The following TOP1 variants were observed in gnomAD, a reference collection of about 807,000 sequenced individuals.
TOP1 encodes DNA topoisomerase I.
A neutral mutation model predicts 111.1 loss-of-function variants in TOP1; 10 were observed. The ratio of observed to expected loss-of-function variants is 0.09; its 90% CI spans 0.06 to 0.15. TOP1 has a LOEUF of 0.15. TOP1 is among the 10% of genes least tolerant of loss of function. The pLI is 1.00. For missense variants in TOP1, 474 were observed against 926.7 expected (o/e 0.51, Z 6.34); for synonymous variants, 271 against 302.9 (o/e 0.89, Z 1.10).
rs1251751579 is a variant in TOP1, at chr20:41,097,222, A to G, written c.733A>G (p.Lys245Glu). ...TTTGGAACCACTTTTTTCTCTAGGTAAAGTCATGAAGCTGAGCCCCAAAGC... is the reference window on the plus strand; with the variant it reads ...TTTGGAACCACTTTTTTCTCTAGGTGAAGTCATGAAGCTGAGCCCCAAAGC... ...PENVKFYYDG[K>E]VMKLSPKAEE... Residue 245 changes from lysine to glutamate, a missense_variant and splice_region_variant, in exon 10 of 21, where the codon AAA becomes GAA. Physicochemically the swap from Lys to Glu is moderately conservative, Grantham distance 56. Coordinates refer to ENST00000361337, the MANE Select transcript of TOP1 (RefSeq NM_003286.4). The surrounding 1 kb of genome is among the most constrained non-coding windows in gnomAD (Gnocchi z 4.2). The G allele has an allele frequency of 1.9e-6, 3 of 1,613,452 alleles. No homozygotes were observed. The highest frequency in any genetic ancestry group is 1.1e-5 in the South Asian group (1 of 90,940).
chr20:41,111,998 A>G (rs2034250708), intron 13 of TOP1, among the ~76,000 whole-genome samples: 1 of 152,116 alleles, frequency 6.6e-6, no homozygotes, highest in African/African-American at 2.4e-5. Flanking sequence ...GTAACCCTTC[A>G]TTGGGTTTAG....
At position 41,078,834 on chromosome 20, in the gene TOP1, A is replaced by G. The variant is rs181275831; in HGVS notation, c.335+1197A>G. ...TGCTGGACTCCTTGCTGGCTTGTGTATATGTCTTTGTAGAGAATCCAGATG... is the reference window on the plus strand; with the variant it reads ...TGCTGGACTCCTTGCTGGCTTGTGTGTATGTCTTTGTAGAGAATCCAGATG... On this transcript the variant is annotated intron_variant, in intron 5 of 20. Transcript: ENST00000361337. The surrounding 1 kb of genome is among the most constrained non-coding windows in gnomAD (Gnocchi z 5.3). Among the ~76,000 whole-genome samples the G allele has an allele frequency of 6.6e-6, 1 of 152,256 alleles. No homozygotes were observed. Among genetic ancestry groups the G allele is most frequent in the East Asian group, 1.9e-4 (1 of 5,178 alleles).
Position 41,029,568 on chromosome 20 carries a change from G to A in TOP1, c.58+113G>A. The A allele has an allele frequency of 1.2e-6, 1 of 847,358 alleles. No homozygotes were observed. The highest frequency in any genetic ancestry group is 1.9e-6 in the Non-Finnish European group (1 of 522,906). 52.5% of individuals were successfully genotyped at this position (847,358 alleles called of 1,614,324 possible). ...ATGGCGTCCCAGAGACTAAGTCCCG[G>A]CTCCTCGCTCACCGGCCCCATTGTT... On this transcript the variant is annotated intron_variant, in intron 2 of 20. Transcript: ENST00000361337. The surrounding 1 kb of genome is among the most constrained non-coding windows in gnomAD (Gnocchi z 6.1).
At chr20:41,087,109 C>A (rs1337231095) in intron 8 of TOP1, among the ~76,000 whole-genome samples, 1 of 152,188 alleles carries the variant, frequency 6.6e-6, no homozygotes, top group African/African-American at 2.4e-5. Context: ...GTCCGCAGAC[C>A]TGTTTGTCTT....
rs2033930804 is a variant in TOP1, at chr20:41,092,394, T to G, written c.615-78T>G. The G allele has an allele frequency of 1.5e-6, 1 of 651,460 alleles. No individual in the cohort carries two copies. The highest frequency in any genetic ancestry group is 2.6e-6 in the Non-Finnish European group (1 of 380,442). 40.4% of individuals were successfully genotyped at this position (651,460 alleles called of 1,614,324 possible). On this transcript the variant is annotated intron_variant, in intron 8 of 20. Transcript: ENST00000361337. This position sits in a 1 kb window ranked among gnomAD's most constrained non-coding sequence, Gnocchi z 4.3. ...AGCACTAATCAGTTGAGCGGATAAT[T>G]ATTTGGCATTTAATCAGTGATGATC... is the stretch of plus-strand genomic sequence containing the variant.
Position 41,121,371 on chromosome 20 carries a change from T to C in TOP1, c.1951-325T>C, listed in dbSNP as rs1267112698. 2.0e-5 allele frequency among the ~76,000 whole-genome samples: 3 copies of C among 152,164 alleles called. No homozygotes were observed. Among genetic ancestry groups the C allele is most frequent in the Non-Finnish European group, 4.4e-5 (3 of 68,020 alleles). On this transcript the variant is annotated intron_variant, in intron 18 of 20. Transcript: ENST00000361337. The surrounding 1 kb of genome is among the most constrained non-coding windows in gnomAD (Gnocchi z 4.2). ...GATAAACAGCTGTCATTTGTAGCCA[T>C]CCTCCCAGATGTATGACAGCAGAGT...
At position 41,112,733 on chromosome 20, in the gene TOP1, T is replaced by G. The variant is rs2034262672; in HGVS notation, c.1309-49T>G. 6.2e-7 allele frequency: 1 copy of G among 1,605,672 alleles called. No individual in the cohort carries two copies. Among genetic ancestry groups the G allele is most frequent in the Non-Finnish European group, 8.5e-7 (1 of 1,174,852 alleles). The stretch of plus-strand genomic sequence containing the variant: ...GCCTGGCTATATTCAAAGTCTGTCT[T>G]TACTACACTGTCCCAAAGTAATCTA... On this transcript the variant is annotated intron_variant, in intron 13 of 20. Transcript: ENST00000361337. The surrounding 1 kb of genome is among the most constrained non-coding windows in gnomAD (Gnocchi z 5.8).
rs746714811 is a variant in TOP1 at position 41,076,122 on chromosome 20, C to T, written c.156-49C>T. The T allele has an allele frequency of 1.0e-5, 16 of 1,568,454 alleles. No homozygotes were observed. In the African/African-American group the frequency reaches 2.1e-4, roughly 20 times the overall value. ...CTTAGGATATCTTGTGAAACGAATC[C>T]TTGTGGTCCCTACTCTGGGCTAACG... On this transcript the variant is annotated intron_variant, in intron 3 of 20. Transcript: ENST00000361337.
At chr20:41,054,581 T>A (rs755423379) in intron 2 of TOP1, among the ~76,000 whole-genome samples, 5 of 152,180 alleles carry the variant, frequency 3.3e-5, no homozygotes, top group African/African-American at 1.2e-4. Flanking sequence ...AAACTTGAGT[T>A]GAGATAGTGT....
chr20:41,081,483 A>T (rs1805238343), intron 7 of TOP1, among the ~76,000 whole-genome samples: 2 of 152,194 alleles, frequency 1.3e-5, no homozygotes. Flanking sequence ...GTGTCTGTCT[A>T]CCCACAGCTA....
intron 13 of TOP1, among the ~76,000 whole-genome samples, chr20:41,111,311 C>T (rs1287082670): frequency 6.6e-6 from 1 of 152,126 alleles, no homozygotes; most frequent in Non-Finnish European, 1.5e-5. Flanking sequence ...TTTTCTTATT[C>T]ACCCTGTTAA....
chr20:41,084,988 T>C (rs1404726106), intron 8 of TOP1, among the ~76,000 whole-genome samples: 1 of 152,068 alleles, frequency 6.6e-6, no homozygotes, highest in East Asian at 1.9e-4. Flanking sequence ...GAAGATCCTT[T>C]GAAGCAAGAC....
intron 14 of TOP1, among the ~76,000 whole-genome samples, 193 bp from the exon 15 acceptor site, chr20:41,113,777 G>A (rs577542623): frequency 2.7e-5 from 4 of 150,866 alleles, no homozygotes; most frequent in East Asian, 2.0e-4. Flanking sequence ...CAGCTACTTC[G>A]GAGGCTGAGG....
At chr20:41,057,116 A>T (rs1774509768) in intron 2 of TOP1, among the ~76,000 whole-genome samples, 1 of 152,030 alleles carries the variant, frequency 6.6e-6, no homozygotes, top group Admixed American at 6.5e-5. Flanking sequence ...AATACAAAAA[A>T]TTAGCCGGGC....
At position 41,067,739 on chromosome 20, in the gene TOP1, C is replaced by A. The variant is rs1175651060; in HGVS notation, c.155+6249C>A. ...ATTTGTCATCAGGCTATACTTAGGA[C>A]CCAAGCCCAGGAGGCATTTACTGTC... On this transcript the variant is annotated intron_variant, in intron 3 of 20. Transcript: ENST00000361337. This position sits in a 1 kb window ranked among gnomAD's most constrained non-coding sequence, Gnocchi z 4.0. Among the ~76,000 whole-genome samples the A allele has an allele frequency of 6.6e-6, 1 of 152,200 alleles. No individual in the cohort carries two copies. Among genetic ancestry groups the A allele is most frequent in the Non-Finnish European group, 1.5e-5 (1 of 68,038 alleles).
rs2034302423 is a variant in TOP1, at chr20:41,114,782, C to T, written c.1639-589C>T. Among the ~76,000 whole-genome samples, 1 of 152,170 alleles carries T rather than the reference C, an allele frequency of 6.6e-6. No individual in the cohort carries two copies. Among genetic ancestry groups the T allele is most frequent in the Admixed American group, 6.5e-5 (1 of 15,276 alleles). On this transcript the variant is annotated intron_variant, in intron 15 of 20. Coordinates refer to ENST00000361337, the MANE Select transcript of TOP1 (RefSeq NM_003286.4). This position sits in a 1 kb window ranked among gnomAD's most constrained non-coding sequence, Gnocchi z 4.5. ...TCTGTAGTCCCAACCTAATCTTTTC[C>T]ATAGTATTGGGCTTGAACCAGAGAC...
At position 41,091,453 on chromosome 20, in the gene TOP1, A is replaced by G. The variant is rs1432667453; in HGVS notation, c.615-1019A>G. Among the ~76,000 whole-genome samples the G allele has an allele frequency of 2.0e-5, 3 of 151,982 alleles. No individual in the cohort carries two copies. The South Asian group carries it at 6.2e-4, about 32-fold the overall frequency. ...GGTTATGTGGAAGAATATTATTTTT[A>G]TAGAGATACTTGCTGAAATATTTAG... On this transcript the variant is annotated intron_variant, in intron 8 of 20. Coordinates refer to ENST00000361337, the MANE Select transcript of TOP1 (RefSeq NM_003286.4).
In TOP1 at chr20:41,078,415, CTT is replaced by C. The variant is rs1223216190; in HGVS notation, c.335+780_335+781del. On this transcript the variant is annotated intron_variant, in intron 5 of 20. Transcript: ENST00000361337. The surrounding 1 kb of genome is among the most constrained non-coding windows in gnomAD (Gnocchi z 5.3). ...TTGCATTATTGACTGGGACAAAACA[CTT>C]TGAGAGTTTTGCTTCCTTGAATCTT... Among the ~76,000 whole-genome samples the C allele has an allele frequency of 6.6e-6, 1 of 152,172 alleles. No individual in the cohort carries two copies. The highest frequency in any genetic ancestry group is 2.4e-5 in the African/African-American group (1 of 41,442).
chr20:41,061,295 T>G lies in TOP1; in HGVS notation c.59-99T>G. 1 of 1,185,384 alleles carries G rather than the reference T, an allele frequency of 8.4e-7. No homozygotes were observed. Among genetic ancestry groups the G allele is most frequent in the South Asian group, 1.5e-5 (1 of 67,910 alleles). The allele number at this position is 1,185,384 out of a possible 1,614,324, so 73.4% of individuals were successfully genotyped here. ...TGTGCTATTATGCCTACCATGCCAT[T>G]TGAATCCTGTCATTGTACTTCTTGA... On this transcript the variant is annotated intron_variant, in intron 2 of 20. Coordinates refer to ENST00000361337, the MANE Select transcript of TOP1 (RefSeq NM_003286.4). The surrounding 1 kb of genome is among the most constrained non-coding windows in gnomAD (Gnocchi z 4.6).
Sources: allele counts gnomAD v4.1 joint callset (sites outside exome capture counted in the v4.1 genomes callset), GRCh38; gene constraint gnomAD v4.1.1; non-coding constraint Gnocchi (gnomAD v3.1); transcripts MANE v1.5; gene names NCBI Gene and HGNC (gene_info 2026-07-23, HGNC 2026-07-21).